The following MOG variants were observed in gnomAD, a reference collection of about 807,000 sequenced individuals.
MOG encodes myelin-oligodendrocyte glycoprotein.
Under a neutral mutation model 35.9 loss-of-function variants are expected in MOG, and 20 were observed. The observed-to-expected ratio is 0.56, with a 90% CI of 0.39 to 0.81. MOG has a LOEUF of 0.81. Among genes scored for constraint, MOG ranks in the 30% least tolerant of loss-of-function variants. The pLI is 0.00. For missense variants in MOG, 251 were observed against 301.0 expected, an observed-to-expected ratio of 0.83 and a Z score of 1.23; for synonymous variants, 92 against 114.3, an observed-to-expected ratio of 0.80 and a Z score of 1.25.
At chr6:29,657,351 G>A in intron 1 of MOG, 54 bp downstream of exon 1, 1 of 1,339,876 alleles carries the variant, frequency 7.5e-7, no homozygotes, top group South Asian at 1.3e-5. Context: ...AGAAAGGCTA[G>A]TTTCCTGGGG....
rs1392481715 is a variant in MOG, at chr6:29,662,620, C to A, written c.436+2954C>A. 1.3e-5 allele frequency among the ~76,000 whole-genome samples: 2 copies of A among 152,160 alleles called. No individual in the cohort carries two copies. Among genetic ancestry groups the A allele is most frequent in the African/African-American group, 4.8e-5 (2 of 41,446 alleles). On this transcript the variant is annotated intron_variant, in intron 2 of 7. Transcript: ENST00000376917. The surrounding 1 kb of genome is among the most constrained non-coding windows in gnomAD (Gnocchi z 4.2). ...CCACTCATTACCACCCTCCCCTACT[C>A]AATTACTGAGGTAAATCCTAGGCAG...
rs1771142148 is a variant in MOG at position 29,670,175 on chromosome 6, GTCCTTTGGTGT to G, written c.593-103_593-93del. The G allele has an allele frequency of 1.2e-6, 2 of 1,601,274 alleles. No homozygotes were observed. On this transcript the variant is annotated intron_variant, in intron 5 of 7. Transcript: ENST00000376917. This position sits in a 1 kb window ranked among gnomAD's most constrained non-coding sequence, Gnocchi z 4.2. ...GGACTTTCTGAATTTTGTCCCCAGA[GTCCTTTGGTGT>G]TCTAGGACCCCAGGTTAAGGAACCA...
chr6:29,657,224 A>C lies in MOG; in HGVS notation c.15A>C (p.Ser5=), dbSNP rs3130250. The change falls in exon 1 of 8, where the codon TCA becomes TCC. Residue 5 remains serine (S), a synonymous_variant. Transcript: ENST00000376917. ...GAACAGTAGAGATGGCAAGCTTATCAAGACCCTCTCTGCCCAGCTGCCTCT... is the reference window on the plus strand; with the variant it reads ...GAACAGTAGAGATGGCAAGCTTATCCAGACCCTCTCTGCCCAGCTGCCTCT... The part of the protein sequence containing the change: MASL[S]RPSLPSCLCS... 3.1e-6 allele frequency: 5 copies of C among 1,610,700 alleles called. No individual in the cohort carries two copies. Among genetic ancestry groups the C allele is most frequent in the Non-Finnish European group, 4.2e-6 (5 of 1,178,500 alleles).
At chr6:29,657,730 C>T (rs971405128) in intron 1 of MOG, among the ~76,000 whole-genome samples, 2 of 141,468 alleles carry the variant, frequency 1.4e-5, no homozygotes, top group Admixed American at 7.6e-5. Flanking sequence ...AGGATGGTCT[C>T]GATCTCTTGA....
rs1376383919 is a variant in MOG at position 29,670,637 on chromosome 6, G to A, written c.710-64G>A. On this transcript the variant is annotated intron_variant, in intron 6 of 7. Coordinates refer to ENST00000376917, the MANE Select transcript of MOG (RefSeq NM_206809.4). This position sits in a 1 kb window ranked among gnomAD's most constrained non-coding sequence, Gnocchi z 4.2. ...GTGGGTCACTCCAAATGTCCATAGG[G>A]AGGATGTGGGGAAGGTGCTATTCAT... 1 of 1,600,960 alleles carries A rather than the reference G, an allele frequency of 6.2e-7. No individual in the cohort carries two copies. Among genetic ancestry groups the A allele is most frequent in the East Asian group, 2.2e-5 (1 of 44,758 alleles).
At chr6:29,665,342 C>T (rs936439714) in intron 2 of MOG, among the ~76,000 whole-genome samples, 3 of 151,104 alleles carry the variant, frequency 2.0e-5, no homozygotes, top group African/African-American at 7.3e-5. Context: ...GCGATCCGCC[C>T]GCCTCGGCCT....
At chr6:29,664,030 T>A (rs1372989364) in intron 2 of MOG, 1 of 366,630 alleles carries the variant, frequency 2.7e-6, no homozygotes, top group Non-Finnish European at 3.8e-6. Context: ...ACATGGAGAT[T>A]AGAGTGGGGC....
intron 2 of MOG, chr6:29,664,676 C>T: frequency 2.2e-6 from 1 of 448,620 alleles, no homozygotes; most frequent in Non-Finnish European, 4.5e-6. Flanking sequence ...ACGATCATGG[C>T]TCATTGCAGC....
At chr6:29,665,141 G>C (rs528821742) in intron 2 of MOG, among the ~76,000 whole-genome samples, 103 of 151,054 alleles carry the variant, frequency 6.8e-4, no homozygotes, top group African/African-American at 2.3e-3. Context: ...TTGTTGCCCA[G>C]GCTGGAGTGC....
intron 1 of MOG, among the ~76,000 whole-genome samples, chr6:29,657,663 CTTTTTTT>C (rs9278226): frequency 3.6e-5 from 4 of 110,048 alleles, no homozygotes; most frequent in South Asian, 2.8e-4. Flanking sequence ...TTTTTCTTTT[CTTTTTTT>C]TTTTTTTTTT....
intron 5 of MOG, among the ~76,000 whole-genome samples, chr6:29,669,566 C>T (rs554252301): frequency 6.6e-6 from 1 of 152,292 alleles, no homozygotes; most frequent in Non-Finnish European, 1.5e-5. Context: ...GCTGGGATTA[C>T]AGGCATGAGC....
At chr6:29,663,967 C>T (rs3130252) in intron 2 of MOG, 755,505 of 899,206 alleles carry the variant, frequency 0.84, 318,395 homozygotes, top group East Asian at 0.98. Flanking sequence ...TATCCTTACT[C>T]AGCTCCCTTA....
rs1330009786 is a variant in MOG at position 29,662,514 on chromosome 6, T to C, written c.436+2848T>C. Among the ~76,000 whole-genome samples, 1 of 150,686 alleles carries C rather than the reference T, an allele frequency of 6.6e-6. No individual in the cohort carries two copies. Among genetic ancestry groups the C allele is most frequent in the Non-Finnish European group, 1.5e-5 (1 of 67,782 alleles). On this transcript the variant is annotated intron_variant, in intron 2 of 7. Transcript: ENST00000376917. The surrounding 1 kb of genome is among the most constrained non-coding windows in gnomAD (Gnocchi z 4.2). The stretch of plus-strand genomic sequence containing the variant: ...AAAAAAACCACATACAAACCAGAGA[T>C]AATATTATAATGAGCCTCCAAGTGC...
intron 4 of MOG, 94 bp from the exon 5 acceptor site, chr6:29,667,810 G>T (rs1770549529): frequency 6.4e-7 from 1 of 1,562,440 alleles, no homozygotes. Flanking sequence ...GTCGTGCCTA[G>T]AACAAGTTTT....
Position 29,670,516 on chromosome 6 carries a change from A to G in MOG, c.709+119A>G. 5 of 1,491,310 alleles carry G rather than the reference A, an allele frequency of 3.4e-6. No homozygotes were observed. In the South Asian group the frequency reaches 5.7e-5, roughly 17 times the overall value. The allele number at this position is 1,491,310 out of a possible 1,614,324, so 92.4% of individuals were successfully genotyped here. A position where few individuals can be genotyped will look rare whatever the true frequency, so the allele number is the denominator to read the frequency against. ...AGATTAGGGGAGCTGGGATTTCCTT[A>G]TTCCTCTGTCCCCATGCCCAACCCC... On this transcript the variant is annotated intron_variant, in intron 6 of 7. Coordinates refer to ENST00000376917, the MANE Select transcript of MOG (RefSeq NM_206809.4). This position sits in a 1 kb window ranked among gnomAD's most constrained non-coding sequence, Gnocchi z 4.2.
rs1230733079 is a variant in MOG, at chr6:29,670,148, A to G, written c.593-133A>G. 4 of 1,471,536 alleles carry G rather than the reference A, an allele frequency of 2.7e-6. No homozygotes were observed. The South Asian group carries it at 3.4e-5, about 13-fold the overall frequency. The allele number at this position is 1,471,536 out of a possible 1,614,324, so 91.2% of individuals were successfully genotyped here. On this transcript the variant is annotated intron_variant, in intron 5 of 7. Transcript: ENST00000376917. The surrounding 1 kb of genome is among the most constrained non-coding windows in gnomAD (Gnocchi z 4.2). ...GGCAGTACTTTTCTCATCCAAGTTC[A>G]TGGACTTTCTGAATTTTGTCCCCAG...
chr6:29,668,977 G>T (rs1391702719), intron 5 of MOG, among the ~76,000 whole-genome samples: 1 of 151,276 alleles, frequency 6.6e-6, no homozygotes, highest in Non-Finnish European at 1.5e-5. Flanking sequence ...ACCCAGGCTG[G>T]AGTGCAATGG....
At chr6:29,659,005 G>A (rs1432798972) in intron 1 of MOG, among the ~76,000 whole-genome samples, 1 of 152,164 alleles carries the variant, frequency 6.6e-6, no homozygotes, top group East Asian at 1.9e-4. Context: ...CCAGCTACTC[G>A]GGAGGCTGAG....
chr6:29,662,281 C>T lies in MOG; in HGVS notation c.436+2615C>T, dbSNP rs1768977887. 3.7e-6 allele frequency: 2 copies of T among 538,674 alleles called. No homozygotes were observed. The highest frequency in any genetic ancestry group is 2.1e-5 in the African/African-American group (1 of 48,198). The allele number at this position is 538,674 out of a possible 1,614,324, so 33.4% of individuals were successfully genotyped here. ...GGCAGATCACCCGAGGTCAGGAGTT[C>T]GAGACCAGCCTGATCAACATGGAGA... On this transcript the variant is annotated intron_variant, in intron 2 of 7. Transcript: ENST00000376917. The surrounding 1 kb of genome is among the most constrained non-coding windows in gnomAD (Gnocchi z 4.2).
Sources: allele counts gnomAD v4.1 joint callset (sites outside exome capture counted in the v4.1 genomes callset), GRCh38; gene constraint gnomAD v4.1.1; non-coding constraint Gnocchi (gnomAD v3.1); transcripts MANE v1.5; gene names NCBI Gene and HGNC (gene_info 2026-07-23, HGNC 2026-07-21).